The following SOBP variants were observed in gnomAD, a reference collection of about 807,000 sequenced individuals.
SOBP encodes the protein sine oculis-binding protein homolog.
A neutral mutation model predicts 53.6 loss-of-function variants in SOBP; 4 were observed. The observed-to-expected ratio is 0.07, with a 90% CI of 0.04 to 0.17. SOBP has a LOEUF of 0.17. Among genes scored for constraint, SOBP ranks in the 10% least tolerant of loss-of-function variants. The pLI is 1.00. For synonymous variants in SOBP, 584 were observed against 522.6 expected (o/e 1.12, Z -1.60); for missense variants, 1,088 against 1,204.7 (o/e 0.90, Z 1.43).
rs757642133 is a variant in SOBP, at chr6:107,506,426, A to G, written c.420A>G (p.Ala140=). The G allele has an allele frequency of 1.9e-6, 3 of 1,614,084 alleles. No individual in the cohort carries two copies. Among genetic ancestry groups the G allele is most frequent in the Non-Finnish European group, 2.5e-6 (3 of 1,179,936 alleles). Reference sequence around the variant, plus strand: ...CACCACCTTTCATAAAGCCACCAGCAGGTAAGTCACTACTGGTGTTTTCAG... The same window carrying G: ...CACCACCTTTCATAAAGCCACCAGCGGGTAAGTCACTACTGGTGTTTTCAG... ...LIPPPFIKPP[A]EDDVSNVQIM... is the part of the protein sequence containing the mutation. The change falls in exon 3 of 7, where the codon GCA becomes GCG. Residue 140 remains alanine, a splice_region_variant and synonymous_variant. Coordinates refer to ENST00000317357, the MANE Select transcript of SOBP (RefSeq NM_018013.4).
intron 5 of SOBP, among the ~76,000 whole-genome samples, chr6:107,615,088 A>G (rs770930660): frequency 6.6e-6 from 1 of 152,286 alleles, no homozygotes; most frequent in South Asian, 2.1e-4. Flanking sequence ...GGTTCTAGCA[A>G]AGCAGGAGAG....
intron 3 of SOBP, among the ~76,000 whole-genome samples, chr6:107,531,067 GC>G (rs1783809888): frequency 6.6e-6 from 1 of 152,250 alleles, no homozygotes; most frequent in Non-Finnish European, 1.5e-5. Context: ...TGCAAGCTAA[GC>G]GCCTGGCCTT....
Position 107,635,415 on chromosome 6 carries a change from G to A in SOBP, c.2571G>A (p.Leu857=), listed in dbSNP as rs1212229184. The part of the protein sequence containing the change: ...SPMLSAGPED[L]EPPLKRRCLR... ...TGCTCAGCGCCGGGCCTGAGGACCT[G>A]GAGCCGCCGCTCAAAAGGAGGTGCC... Residue 857 remains leucine, a synonymous_variant, in exon 6 of 7, where the codon CTG becomes CTA. Transcript: ENST00000317357. The surrounding 1 kb of genome is among the most constrained non-coding windows in gnomAD (Gnocchi z 4.5). 1 of 1,613,428 alleles carries A rather than the reference G, an allele frequency of 6.2e-7. No homozygotes were observed. The highest frequency in any genetic ancestry group is 1.1e-5 in the South Asian group (1 of 91,084).
In SOBP at chr6:107,634,778, T is replaced by G; in HGVS notation, c.1934T>G (p.Val645Gly). 1.4e-6 allele frequency: 2 copies of G among 1,386,846 alleles called. No individual in the cohort carries two copies. Among genetic ancestry groups the G allele is most frequent in the Non-Finnish European group, 1.9e-6 (2 of 1,068,972 alleles). The allele number at this position is 1,386,846 out of a possible 1,614,324, so 85.9% of individuals were successfully genotyped here. A position where few individuals can be genotyped will look rare whatever the true frequency, so the allele number is the denominator to read the frequency against. ...GAGGQLGFPG[V>G]LQGPQDGVID... Reference sequence around the variant, plus strand: ...GGCGGCCAGCTCGGCTTCCCAGGCGTGCTGCAGGGCCCGCAGGACGGCGTC... The same window carrying G: ...GGCGGCCAGCTCGGCTTCCCAGGCGGGCTGCAGGGCCCGCAGGACGGCGTC... Residue 645 changes from valine (V) to glycine (G), a missense_variant, in exon 6 of 7, where the codon GTG becomes GGG. Coordinates refer to ENST00000317357, the MANE Select transcript of SOBP (RefSeq NM_018013.4). This position sits in a 1 kb window ranked among gnomAD's most constrained non-coding sequence, Gnocchi z 4.5.
chr6:107,601,099 A>G (rs946072412), intron 5 of SOBP, among the ~76,000 whole-genome samples: 33 of 152,210 alleles, frequency 2.2e-4, no homozygotes, highest in African/African-American at 7.7e-4. Context: ...ATCGGCTCAG[A>G]CTCCAAGGTC....
chr6:107,639,914 A>G (rs1771233985), intron 6 of SOBP, among the ~76,000 whole-genome samples: 1 of 152,202 alleles, frequency 6.6e-6, no homozygotes, highest in African/African-American at 2.4e-5. Context: ...CCAAATTTCT[A>G]AGTTTCAAAA....
At chr6:107,518,047 C>A (rs1378137044) in intron 3 of SOBP, among the ~76,000 whole-genome samples, 1 of 151,978 alleles carries the variant, frequency 6.6e-6, no homozygotes, top group East Asian at 1.9e-4. Flanking sequence ...AAAAATCTTT[C>A]CAAAGAATGA....
At chr6:107,581,350 A>G (rs1785396121) in intron 4 of SOBP, among the ~76,000 whole-genome samples, 1 of 152,158 alleles carries the variant, frequency 6.6e-6, no homozygotes, top group Admixed American at 6.5e-5. Context: ...AAAGAATGGG[A>G]GTGAAGGACA....
chr6:107,522,755 G>A (rs1234044314), intron 3 of SOBP, among the ~76,000 whole-genome samples: 1 of 151,844 alleles, frequency 6.6e-6, no homozygotes, highest in Non-Finnish European at 1.5e-5. Flanking sequence ...TGTTGCCCAG[G>A]CTGGTCTCAA....
chr6:107,606,742 T>C (rs1288402510), intron 5 of SOBP, among the ~76,000 whole-genome samples: 5 of 152,186 alleles, frequency 3.3e-5, no homozygotes, highest in African/African-American at 4.8e-5. Flanking sequence ...TCCTCCTACT[T>C]TGCTTTCTGC....
At chr6:107,532,228 G>GTCTC (rs771163945) in intron 3 of SOBP, among the ~76,000 whole-genome samples, 37 of 133,348 alleles carry the variant, frequency 2.8e-4, no homozygotes, top group Non-Finnish European at 5.1e-4. Context: ...GTGGCAATCA[G>GTCTC]TCTCTCTCTC....
intron 2 of SOBP, 135 bp from the exon 3 acceptor site, chr6:107,506,107 T>C (rs1038897785): frequency 2.1e-5 from 16 of 755,644 alleles, no homozygotes; most frequent in Non-Finnish European, 3.1e-5. Flanking sequence ...TGTGGAGTTC[T>C]AGTACATTGT....
chr6:107,634,341 C>T lies in SOBP; in HGVS notation c.1497C>T (p.Gly499=), dbSNP rs1326345283. The change falls in exon 6 of 7, where the codon GGC becomes GGT. Residue 499 remains glycine (G), a synonymous_variant. Transcript: ENST00000317357. This position sits in a 1 kb window ranked among gnomAD's most constrained non-coding sequence, Gnocchi z 4.5. ...CGCCAGTGAGCATGATGCCAAATGG[C>T]CCGATGCCGGTGCCCCAGATGATGA... ...PFPPVSMMPN[G]PMPVPQMMNF... 1 of 1,588,120 alleles carries T rather than the reference C, an allele frequency of 6.3e-7. No individual in the cohort carries two copies. The highest frequency in any genetic ancestry group is 8.5e-7 in the Non-Finnish European group (1 of 1,174,208).
At chr6:107,649,852 G>T (rs1222356082) in intron 6 of SOBP, among the ~76,000 whole-genome samples, 1 of 152,156 alleles carries the variant, frequency 6.6e-6, no homozygotes, top group African/African-American at 2.4e-5. Context: ...TTACTTAAGT[G>T]AGTGCACAAG....
At chr6:107,626,219 A>G (rs1770453565) in intron 5 of SOBP, among the ~76,000 whole-genome samples, 1 of 152,022 alleles carries the variant, frequency 6.6e-6, no homozygotes, top group African/African-American at 2.4e-5. Context: ...GATATTAAGG[A>G]TTTTTTTTGC....
Position 107,533,532 on chromosome 6 carries a change from T to C in SOBP, c.495T>C (p.Ser165=). Residue 165 remains serine, a synonymous_variant, in exon 4 of 7, where the codon AGT becomes AGC. Coordinates refer to ENST00000317357, the MANE Select transcript of SOBP (RefSeq NM_018013.4). ...QKVGIKRYSL[S]MGSEVKSFCS... ...TGGGAATCAAGCGCTATTCCCTGAG[T>C]ATGGGAAGTGAGGTGAAAAGCTTCT... The C allele has an allele frequency of 2.5e-6, 4 of 1,613,978 alleles. No individual in the cohort carries two copies. The highest frequency in any genetic ancestry group is 3.4e-6 in the Non-Finnish European group (4 of 1,179,980).
At chr6:107,559,914 C>G (rs1481496276) in intron 4 of SOBP, among the ~76,000 whole-genome samples, 2 of 151,974 alleles carry the variant, frequency 1.3e-5, no homozygotes, top group Admixed American at 1.3e-4. Context: ...TCAGTTTCTT[C>G]TCTTAAAAGG....
intron 1 of SOBP, among the ~76,000 whole-genome samples, chr6:107,498,754 C>G (rs1782761101): frequency 6.6e-6 from 1 of 152,172 alleles, no homozygotes; most frequent in East Asian, 1.9e-4. Flanking sequence ...TAGTTTCCAC[C>G]TATCTTTCTG....
chr6:107,538,317 C>T (rs986886369), intron 4 of SOBP, among the ~76,000 whole-genome samples: 4 of 152,142 alleles, frequency 2.6e-5, no homozygotes, highest in Non-Finnish European at 5.9e-5. Flanking sequence ...ATTAACCTGT[C>T]TACTCTTTTT....
Sources: gnomAD v4.1 joint callset for allele counts (sites outside exome capture counted in the v4.1 genomes callset) on GRCh38, gnomAD v4.1.1 for gene constraint, Gnocchi (gnomAD v3.1) non-coding constraint, MANE v1.5 for transcripts, NCBI Gene and HGNC (gene_info 2026-07-23, HGNC 2026-07-21) for gene names.